Variants in ABI2 observed in about 807,000 individuals in gnomAD.
The protein encoded by ABI2 is abl interactor 2.
ABI2 carries 25 observed loss-of-function variants against 59.2 expected under a neutral mutation model. The observed-to-expected ratio is 0.42, with a 90% CI of 0.31 to 0.59. ABI2 has a LOEUF of 0.59. Among genes scored for constraint, ABI2 ranks in the 20% least tolerant of loss-of-function variants. The pLI, the probability that ABI2 is intolerant of heterozygous loss-of-function variation, is 0.14. For synonymous variants in ABI2, 213 were observed against 235.5 expected (o/e 0.90, Z 0.87); for missense variants, 545 against 681.8 (o/e 0.80, Z 2.23).
chr2:203,354,819 C>G (rs1263911323), intron 1 of ABI2, among the ~76,000 whole-genome samples: 1 of 152,132 alleles, frequency 6.6e-6, no homozygotes, highest in Non-Finnish European at 1.5e-5. Context: ...GCCCTTTGCT[C>G]CAGAGGGATA....
chr2:203,335,430 TTTG>T (rs927811237), intron 1 of ABI2, among the ~76,000 whole-genome samples: 5 of 152,008 alleles, frequency 3.3e-5, no homozygotes, highest in East Asian at 1.9e-4. Context: ...GCTAATTTTT[TTTG>T]TTGTTGTTGT....
intron 1 of ABI2, among the ~76,000 whole-genome samples, chr2:203,337,735 A>G (rs184404630): frequency 4.9e-4 from 75 of 152,346 alleles, no homozygotes; most frequent in Non-Finnish European, 9.1e-4. Context: ...TTCAAACTAT[A>G]TTACAAAGCT....
intron 1 of ABI2, among the ~76,000 whole-genome samples, chr2:203,359,439 C>T (rs1294772928): frequency 6.6e-6 from 1 of 152,020 alleles, no homozygotes; most frequent in Non-Finnish European, 1.5e-5. Flanking sequence ...CTGTACTTTG[C>T]TTAATGTGAA....
chr2:203,430,384 G>A lies in ABI2; in HGVS notation c.*3032G>A, dbSNP rs1194314405. 2 of 152,024 alleles carry A rather than the reference G, an allele frequency of 1.3e-5. No homozygotes were observed. The allele number at this position is 152,024 out of a possible 1,614,324, so 9.4% of individuals were successfully genotyped here. ...GGAGAGGGGATTCTTCCCTCCTGAA[G>A]TTTGTGTGTCCAGTCCCCTTAAAAA... On this transcript the variant is annotated 3_prime_UTR_variant, in exon 12 of 12. Transcript: ENST00000261018.
chr2:203,329,005 G>C, intron 1 of ABI2: 1 of 173,112 alleles, frequency 5.8e-6, no homozygotes, highest in Non-Finnish European at 1.2e-5. Flanking sequence ...TAGGGGTGTC[G>C]CGGGTGTTGA....
chr2:203,426,302 G>A (rs2098423591), intron 11 of ABI2, among the ~76,000 whole-genome samples: 1 of 152,076 alleles, frequency 6.6e-6, no homozygotes. Context: ...GAAGAGGTTG[G>A]AGCAAAGGAT....
intron 2 of ABI2, among the ~76,000 whole-genome samples, chr2:203,372,759 G>A (rs1429582929): frequency 1.3e-4 from 20 of 151,484 alleles, no homozygotes; most frequent in South Asian, 8.3e-4. Flanking sequence ...CAGACGGGGC[G>A]GTTGCCAGGC....
intron 9 of ABI2, among the ~76,000 whole-genome samples, chr2:203,408,178 T>C (rs1365753749): frequency 6.7e-6 from 1 of 150,296 alleles, no homozygotes; most frequent in East Asian, 2.0e-4. Flanking sequence ...TTTTTTTTTT[T>C]TGAGATGGAG....
intron 1 of ABI2, chr2:203,355,263 T>G (rs1250039064): frequency 9.3e-6 from 3 of 321,260 alleles, no homozygotes; most frequent in Non-Finnish European, 2.1e-5. Context: ...TCCTAGCACT[T>G]TGGGAGGTCA....
chr2:203,358,510 A>G (rs536407921), intron 1 of ABI2, among the ~76,000 whole-genome samples: 2 of 152,272 alleles, frequency 1.3e-5, no homozygotes, highest in Non-Finnish European at 2.9e-5. Context: ...TAATTAAACC[A>G]TGTGAAGGAA....
chr2:203,350,999 T>A (rs538636553), intron 1 of ABI2, among the ~76,000 whole-genome samples: 1 of 152,326 alleles, frequency 6.6e-6, no homozygotes, highest in Non-Finnish European at 1.5e-5. Context: ...TACATTTAGA[T>A]CTTTGATCCA....
At chr2:203,373,154 G>T (rs1206671408) in intron 2 of ABI2, among the ~76,000 whole-genome samples, 1 of 152,156 alleles carries the variant, frequency 6.6e-6, no homozygotes, top group Non-Finnish European at 1.5e-5. Context: ...TCACGCCACT[G>T]CACTCCAGCC....
chr2:203,399,505 T>C (rs1381149331), intron 8 of ABI2, among the ~76,000 whole-genome samples: 5 of 152,244 alleles, frequency 3.3e-5, no homozygotes, highest in Non-Finnish European at 7.4e-5. Context: ...TTATTTTCTA[T>C]TTTTTTGGCG....
At chr2:203,408,658 G>A (rs187938603) in intron 9 of ABI2, among the ~76,000 whole-genome samples, 2 of 151,942 alleles carry the variant, frequency 1.3e-5, no homozygotes, top group African/African-American at 4.8e-5. Context: ...AACAGTGACT[G>A]AAGTGGGAAA....
chr2:203,349,646 C>CAT (rs958834292), intron 1 of ABI2, among the ~76,000 whole-genome samples: 19 of 151,868 alleles, frequency 1.3e-4, no homozygotes, highest in African/African-American at 4.1e-4. Context: ...CTCAGGTGAT[C>CAT]CGCCTGCCTT....
chr2:203,344,662 C>T (rs779783021), intron 1 of ABI2, among the ~76,000 whole-genome samples: 26 of 151,916 alleles, frequency 1.7e-4, no homozygotes, highest in South Asian at 4.2e-4. Context: ...CTTCTGGGTC[C>T]GGTGGGGACT....
At chr2:203,400,371 G>A (rs1579427709) in intron 8 of ABI2, among the ~76,000 whole-genome samples, 1 of 151,978 alleles carries the variant, frequency 6.6e-6, no homozygotes. Context: ...TTAAAGGCCT[G>A]AGCCACCATG....
chr2:203,375,969 G>A lies in ABI2; in HGVS notation c.286-4239G>A, dbSNP rs923469652. ...TTCAACCCCGTGTGGTAGTATGATG[G>A]CAAGAATGCAAATTATACCGTTGTT... On this transcript the variant is annotated intron_variant, in intron 2 of 11. Transcript: ENST00000261018. 14 of 1,038,494 alleles carry A rather than the reference G, an allele frequency of 1.3e-5. No individual in the cohort carries two copies. In the African/African-American group the frequency reaches 1.9e-4, roughly 14 times the overall value. 64.3% of individuals were successfully genotyped at this position (1,038,494 alleles called of 1,614,324 possible). A position where few individuals can be genotyped will look rare whatever the true frequency, so the allele number is the denominator to read the frequency against.
At chr2:203,399,398 T>G (rs905368616) in intron 8 of ABI2, among the ~76,000 whole-genome samples, 2 of 152,128 alleles carry the variant, frequency 1.3e-5, no homozygotes, top group Non-Finnish European at 2.9e-5. Flanking sequence ...TTTAATAGGG[T>G]TTTTTTCCTT....
Sources: gnomAD v4.1 joint callset for allele counts (sites outside exome capture counted in the v4.1 genomes callset) on GRCh38, gnomAD v4.1.1 for gene constraint, MANE v1.5 for transcripts, NCBI Gene and HGNC (gene_info 2026-07-23, HGNC 2026-07-21) for gene names.